The following TTC28 variants were observed in gnomAD, a reference collection of about 807,000 sequenced individuals.
TTC28 encodes tetratricopeptide repeat protein 28.
In TTC28, 61 loss-of-function variants were observed where a neutral mutation model predicts 198.0. The ratio of observed to expected loss-of-function variants is 0.31; its 90% CI spans 0.25 to 0.38. The LOEUF (loss-of-function observed/expected upper bound fraction) is 0.38, where lower values mean the gene tolerates loss of function less well. TTC28 is among the 10% of genes least tolerant of loss of function. The pLI is 1.00. For synonymous variants in TTC28, 1,171 were observed against 1,297.8 expected (o/e 0.90, Z 2.10); for missense variants, 2,678 against 3,164.0 (o/e 0.85, Z 3.69).
chr22:28,091,505 A>G (rs900493942), intron 12 of TTC28, among the ~76,000 whole-genome samples: 4 of 152,128 alleles, frequency 2.6e-5, no homozygotes, highest in Admixed American at 6.6e-5. Context: ...GTACCTTTAT[A>G]ATCTTGGTGG....
intron 2 of TTC28, among the ~76,000 whole-genome samples, chr22:28,378,626 T>C (rs936818458): frequency 2.0e-5 from 3 of 150,420 alleles, no homozygotes; most frequent in East Asian, 3.9e-4. Context: ...CCATGAGCAA[T>C]AGAGCAAGAT....
intron 1 of TTC28, among the ~76,000 whole-genome samples, chr22:28,638,294 A>G (rs949447438): frequency 6.6e-6 from 1 of 152,146 alleles, no homozygotes; most frequent in South Asian, 2.1e-4. Flanking sequence ...ATATAAAAAA[A>G]CTTATCCCCT....
At chr22:28,439,340 T>C (rs2047577627) in intron 2 of TTC28, among the ~76,000 whole-genome samples, 2 of 152,332 alleles carry the variant, frequency 1.3e-5, no homozygotes, top group Non-Finnish European at 2.9e-5. Context: ...TGGTTTTTTT[T>C]CTCAAGAGGA....
intron 12 of TTC28, among the ~76,000 whole-genome samples, chr22:28,069,925 AACACACACACACAC>A (rs60436240): frequency 9.8e-5 from 14 of 142,142 alleles, no homozygotes; most frequent in South Asian, 6.9e-4. Context: ...AGGTTGTACA[AACACACACACACAC>A]ACACACACAC....
intron 2 of TTC28, among the ~76,000 whole-genome samples, chr22:28,610,854 T>C (rs559671982): frequency 1.3e-5 from 2 of 151,830 alleles, no homozygotes; most frequent in African/African-American, 4.8e-5. Flanking sequence ...CCAACTAGAA[T>C]AACCAGCTTA....
At chr22:28,391,371 G>C (rs997519801) in intron 2 of TTC28, among the ~76,000 whole-genome samples, 4 of 152,112 alleles carry the variant, frequency 2.6e-5, no homozygotes, top group Non-Finnish European at 4.4e-5. Flanking sequence ...TGTATTTCCT[G>C]AATCTGAATG....
At chr22:28,134,014 T>C (rs1432724503) in intron 6 of TTC28, among the ~76,000 whole-genome samples, 3 of 152,192 alleles carry the variant, frequency 2.0e-5, no homozygotes, top group East Asian at 3.9e-4. Flanking sequence ...AGACGAAGCT[T>C]CCAGAGGAAC....
At chr22:28,470,461 G>A (rs753730388) in intron 2 of TTC28, among the ~76,000 whole-genome samples, 1 of 152,054 alleles carries the variant, frequency 6.6e-6, no homozygotes, top group Non-Finnish European at 1.5e-5. Flanking sequence ...AATTTGAAAA[G>A]AATCATAACT....
At chr22:28,159,758 T>G (rs1382707160) in intron 6 of TTC28, among the ~76,000 whole-genome samples, 7 of 152,156 alleles carry the variant, frequency 4.6e-5, no homozygotes, top group African/African-American at 1.7e-4. Context: ...AAGAGATATC[T>G]GTACTTCTAT....
At chr22:28,645,194 C>G (rs571491063) in intron 1 of TTC28, among the ~76,000 whole-genome samples, 1 of 151,630 alleles carries the variant, frequency 6.6e-6, no homozygotes, top group Non-Finnish European at 1.5e-5. Flanking sequence ...GAAACTCCGT[C>G]TCAAAAAAAA....
At chr22:28,631,120 ACTCCAT>A (rs1042169388) in intron 1 of TTC28, among the ~76,000 whole-genome samples, 1 of 152,118 alleles carries the variant, frequency 6.6e-6, no homozygotes, top group Non-Finnish European at 1.5e-5. Context: ...ACACAGTGAG[ACTCCAT>A]CTCTAAAAAT....
At chr22:28,311,206 A>C (rs1391844710) in intron 2 of TTC28, among the ~76,000 whole-genome samples, 2 of 148,390 alleles carry the variant, frequency 1.3e-5, no homozygotes, top group Admixed American at 1.3e-4. Context: ...CCATATAATC[A>C]CTATCTTTGT....
intron 2 of TTC28, among the ~76,000 whole-genome samples, chr22:28,335,533 C>T (rs2045697836): frequency 1.3e-5 from 2 of 151,938 alleles, no homozygotes; most frequent in Admixed American, 1.3e-4. Flanking sequence ...GTTTGTACTT[C>T]TCCTTGAAGA....
At chr22:28,081,328 A>G (rs1272492099) in intron 12 of TTC28, among the ~76,000 whole-genome samples, 2 of 151,838 alleles carry the variant, frequency 1.3e-5, no homozygotes, top group African/African-American at 4.8e-5. Context: ...TTACAAGTGC[A>G]TGCCACCACA....
chr22:28,163,158 G>T lies in TTC28; in HGVS notation c.1375C>A (p.Gln459Lys). The change falls in exon 6 of 23, where the codon CAG (glutamine) becomes AAG (lysine). Residue 459 changes from glutamine (Q) to lysine (K), a missense_variant. Gln to Lys is a moderately conservative substitution (Grantham distance 53). Transcript: ENST00000397906. ...DLERAKQYHE[Q>K]QLGIAEDLKD... ...AGATCCTCAGCAATGCCCAGCTGCTGCTCATGGTATTGTTTAGCTCTCTCC... is the reference window on the plus strand; with the variant it reads ...AGATCCTCAGCAATGCCCAGCTGCTTCTCATGGTATTGTTTAGCTCTCTCC... 6.4e-7 allele frequency: 1 copy of T among 1,551,722 alleles called. No individual in the cohort carries two copies. Among genetic ancestry groups the T allele is most frequent in the Non-Finnish European group, 8.7e-7 (1 of 1,147,014 alleles).
chr22:28,342,254 TTCAGAC>T (rs1224923949), intron 2 of TTC28, among the ~76,000 whole-genome samples: 1 of 152,198 alleles, frequency 6.6e-6, no homozygotes, highest in East Asian at 1.9e-4. Context: ...AAGCTTGAGA[TTCAGAC>T]TCAAATACTT....
chr22:27,994,942 C>T (rs1937525729), intron 17 of TTC28, among the ~76,000 whole-genome samples: 1 of 152,138 alleles, frequency 6.6e-6, no homozygotes, highest in South Asian at 2.1e-4. Flanking sequence ...GAGAGGGCCT[C>T]CCAGCACCCT....
rs181682553 is a variant in TTC28 at position 28,427,689 on chromosome 22, T to C, written c.382-121046A>G. On this transcript the variant is annotated intron_variant, in intron 2 of 22. Transcript: ENST00000397906. The stretch of plus-strand genomic sequence containing the variant: ...GAAAAGAATATTTCCATATTGATTA[T>C]GTGTATAAATTATTATATCTAATCC... Among the ~76,000 whole-genome samples the C allele has an allele frequency of 4.3e-4, 65 of 152,206 alleles. No individual in the cohort carries two copies. The East Asian group carries it at 0.011, about 25-fold the overall frequency.
chr22:28,590,898 A>C (rs2050414921), intron 2 of TTC28, among the ~76,000 whole-genome samples: 2 of 150,314 alleles, frequency 1.3e-5, no homozygotes, highest in Non-Finnish European at 3.0e-5. Context: ...AGTCCCAGCT[A>C]CTCAGGAGAC....
Sources: gnomAD v4.1 joint callset for allele counts (sites outside exome capture counted in the v4.1 genomes callset) on GRCh38, gnomAD v4.1.1 for gene constraint, MANE v1.5 for transcripts, NCBI Gene and HGNC (gene_info 2026-07-23, HGNC 2026-07-21) for gene names.